Variants in CPM observed in about 807,000 individuals in gnomAD.
CPM encodes the protein renal carboxypeptidase.
Under a neutral mutation model 46.4 loss-of-function variants are expected in CPM, and 35 were observed. The observed-to-expected ratio is 0.75, with a 90% CI of 0.58 to 1.00. The LOEUF is 1.00. Ranked by LOEUF, CPM falls within the 50% of genes least tolerant of loss-of-function variation. The probability of loss-of-function intolerance (pLI) is 0.00; values close to 1 mark genes in which losing one functional copy is unlikely to be tolerated. For synonymous variants in CPM, 195 were observed against 195.3 expected, an observed-to-expected ratio of 1.00 and a Z score of 0.01; for missense variants, 422 against 530.4, an observed-to-expected ratio of 0.80 and a Z score of 2.01.
At chr12:68,959,874 T>G (rs1013123286) in intron 1 of CPM, among the ~76,000 whole-genome samples, 1 of 152,190 alleles carries the variant, frequency 6.6e-6, no homozygotes, top group South Asian at 2.1e-4. Flanking sequence ...TCCCCAGGCG[T>G]CTCTCCCAAA....
intron 7 of CPM, 50 bp from the exon 8 acceptor site, chr12:68,859,121 T>C (rs1343985393): frequency 5.9e-6 from 6 of 1,009,886 alleles, no homozygotes; most frequent in Non-Finnish European, 7.9e-6. Flanking sequence ...TTATGGCATA[T>C]AAAAATTATT....
intron 2 of CPM, among the ~76,000 whole-genome samples, chr12:68,886,828 G>A (rs1050072560): frequency 2.0e-5 from 3 of 152,138 alleles, no homozygotes; most frequent in African/African-American, 7.2e-5. Flanking sequence ...TTAGCTCTGT[G>A]TGATCTGGGC....
intron 2 of CPM, among the ~76,000 whole-genome samples, chr12:68,905,848 G>A (rs1169976733): frequency 1.3e-5 from 2 of 152,126 alleles, no homozygotes; most frequent in African/African-American, 4.8e-5. Flanking sequence ...CACCAGAAAT[G>A]ATCCTTTATA....
intron 7 of CPM, among the ~76,000 whole-genome samples, chr12:68,859,750 C>T (rs1885128273): frequency 6.6e-6 from 1 of 152,188 alleles, no homozygotes; most frequent in Admixed American, 6.5e-5. Context: ...ACTCACACAG[C>T]CAACGAAGTG....
intron 2 of CPM, among the ~76,000 whole-genome samples, chr12:68,915,587 C>T (rs975625283): frequency 2.4e-4 from 37 of 152,172 alleles, no homozygotes; most frequent in Admixed American, 1.3e-4. Context: ...ACAAAGCATC[C>T]CTACACTGCA....
chr12:68,942,055 T>TG (rs1220308779), intron 1 of CPM, among the ~76,000 whole-genome samples: 1 of 152,210 alleles, frequency 6.6e-6, no homozygotes, highest in Non-Finnish European at 1.5e-5. Flanking sequence ...AACTCAAGCA[T>TG]TCTCTGTTTA....
In CPM at chr12:68,856,287, T is replaced by G. The variant is rs1171361854; in HGVS notation, c.*150A>C. Reference sequence around the variant, plus strand: ...CATTATCACCACATATTGCTTATTGTGGAATTTGGAAACATCCATTTCTCT... The same window carrying G: ...CATTATCACCACATATTGCTTATTGGGGAATTTGGAAACATCCATTTCTCT... On this transcript the variant is annotated 3_prime_UTR_variant, in exon 9 of 9. Coordinates refer to ENST00000551568, the MANE Select transcript of CPM (RefSeq NM_198320.5). 1.2e-6 allele frequency: 1 copy of G among 865,278 alleles called. No homozygotes were observed. The highest frequency in any genetic ancestry group is 2.5e-5 in the East Asian group (1 of 39,862). The allele number at this position is 865,278 out of a possible 1,614,324, so 53.6% of individuals were successfully genotyped here.
chr12:68,854,088 T>C lies in CPM; in HGVS notation c.*2349A>G, dbSNP rs975438108. ...GGTAACATAATACCTTTACTACCAA[T>C]CTTAGGATCAATTCAAGGTTCAGTA... On this transcript the variant is annotated 3_prime_UTR_variant, in exon 9 of 9. Transcript: ENST00000551568. 1 of 152,152 alleles carries C rather than the reference T, an allele frequency of 6.6e-6. No individual in the cohort carries two copies. The highest frequency in any genetic ancestry group is 1.5e-5 in the Non-Finnish European group (1 of 68,028). 9.4% of individuals were successfully genotyped at this position (152,152 alleles called of 1,614,324 possible).
chr12:68,887,594 A>C (rs1260260262), intron 2 of CPM, among the ~76,000 whole-genome samples: 2 of 152,220 alleles, frequency 1.3e-5, no homozygotes, highest in Non-Finnish European at 2.9e-5. Context: ...TCAGTGCAGA[A>C]TTCTTATTCA....
intron 1 of CPM, among the ~76,000 whole-genome samples, chr12:68,946,955 A>C (rs1592714171): frequency 6.6e-6 from 1 of 152,224 alleles, no homozygotes; most frequent in East Asian, 1.9e-4. Flanking sequence ...TTTAAGCAAA[A>C]AATCATAAAA....
chr12:68,937,838 A>G (rs979630812), upstream of CPM, among the ~76,000 whole-genome samples: 8 of 152,254 alleles, frequency 5.3e-5, no homozygotes, highest in African/African-American at 2.4e-5. Context: ...TGGAAAAACA[A>G]TGAAGGCATT....
At chr12:68,873,891 C>T (rs915759680) in intron 3 of CPM, among the ~76,000 whole-genome samples, 1 of 151,810 alleles carries the variant, frequency 6.6e-6, no homozygotes, top group Non-Finnish European at 1.5e-5. Context: ...CTACAACCTC[C>T]GTCTCCTGGA....
chr12:68,858,263 A>G (rs578053517), intron 8 of CPM, among the ~76,000 whole-genome samples: 1 of 152,318 alleles, frequency 6.6e-6, no homozygotes, highest in African/African-American at 2.4e-5. Context: ...AATTCACATC[A>G]AAGAGAAAGA....
At chr12:68,845,523 T>C (rs1884222415) in intron 5 of CPM, 1 of 193,630 alleles carries the variant, frequency 5.2e-6, no homozygotes, top group South Asian at 1.9e-4. Flanking sequence ...GTATTTTGAA[T>C]GAAAACCATA....
Position 68,932,676 on chromosome 12 carries a change from A to G in CPM, c.160+2T>C, listed in dbSNP as rs1397401269. On this transcript the variant is annotated splice_donor_variant, in intron 2 of 8. Coordinates refer to ENST00000551568, the MANE Select transcript of CPM (RefSeq NM_198320.5). LOFTEE classifies it high-confidence loss of function. ...GCAAAGTGTTCACGAGACGGACCCT[A>G]CCTTTCACAGATTTCCCAATACTGT... is the stretch of plus-strand genomic sequence containing the variant. 1.5e-5 allele frequency: 24 copies of G among 1,613,910 alleles called. No homozygotes were observed. Among genetic ancestry groups the G allele is most frequent in the Non-Finnish European group, 1.9e-5 (23 of 1,179,906 alleles).
intron 1 of CPM, among the ~76,000 whole-genome samples, chr12:68,959,946 T>G (rs1193037609): frequency 1.3e-5 from 2 of 152,240 alleles, no homozygotes; most frequent in African/African-American, 4.8e-5. Flanking sequence ...TAAAACTCAC[T>G]AAAACATACA....
chr12:68,896,217 T>C lies in CPM; in HGVS notation c.161-10328A>G, dbSNP rs112113894. Among the ~76,000 whole-genome samples the C allele has an allele frequency of 5.0e-3, 767 of 152,294 alleles. 6 individuals carry two copies. The highest frequency in any genetic ancestry group is 0.017 in the African/African-American group (726 of 41,550). ...AAAGCGGCCAACCTCCCCTTGCCTT[T>C]TCAAGGCTCAGCTAAAAGCCTCCTG... is the stretch of plus-strand genomic sequence containing the variant. On this transcript the variant is annotated intron_variant, in intron 2 of 8. Coordinates refer to ENST00000551568, the MANE Select transcript of CPM (RefSeq NM_198320.5).
rs554182287 is a variant in CPM at position 68,957,550 on chromosome 12, C to T, written c.-4+5619G>A. ...AGTTCTGTCCAATTTGGATTTTCCACACTTTCCCAGAAGACTGACTTTTCC... is the reference window on the plus strand; with the variant it reads ...AGTTCTGTCCAATTTGGATTTTCCATACTTTCCCAGAAGACTGACTTTTCC... On this transcript the variant is annotated intron_variant, in intron 1 of 8. Coordinates refer to the CPM transcript ENST00000546373. 1.7e-5 allele frequency: 3 copies of T among 174,914 alleles called. No homozygotes were observed. In the South Asian group the frequency reaches 4.3e-4, roughly 25 times the overall value. 10.8% of individuals were successfully genotyped at this position (174,914 alleles called of 1,614,324 possible). A position where few individuals can be genotyped will look rare whatever the true frequency, so the allele number is the denominator to read the frequency against.
chr12:68,890,302 C>T (rs1291616225), intron 2 of CPM, among the ~76,000 whole-genome samples: 1 of 151,742 alleles, frequency 6.6e-6, no homozygotes, highest in Non-Finnish European at 1.5e-5. Flanking sequence ...GGATAAGAGG[C>T]TAAATGATAG....
Sources: gnomAD v4.1 joint callset for allele counts (sites outside exome capture counted in the v4.1 genomes callset) on GRCh38, gnomAD v4.1.1 for gene constraint, MANE v1.5 for transcripts, NCBI Gene and HGNC (gene_info 2026-07-23, HGNC 2026-07-21) for gene names.